Variants in PPHLN1 observed in about 807,000 individuals in gnomAD.
PPHLN1 encodes periphilin 1, also known as periphilin-1.
Under a neutral mutation model 51.3 loss-of-function variants are expected in PPHLN1, and 29 were observed. That is an observed-to-expected ratio of 0.57 (90% CI 0.42 to 0.77). The LOEUF is 0.77. Ranked by LOEUF, PPHLN1 falls within the 30% of genes least tolerant of loss-of-function variation. The pLI is 0.00. For missense variants in PPHLN1, 436 were observed against 438.4 expected (o/e 0.99, Z 0.05); for synonymous variants, 147 against 147.8 (o/e 0.99, Z 0.04).
chr12:42,374,042 T>G (rs994367531), intron 4 of PPHLN1, among the ~76,000 whole-genome samples: 3 of 152,130 alleles, frequency 2.0e-5, no homozygotes, highest in African/African-American at 4.8e-5. Flanking sequence ...CCAGTTATGA[T>G]AATCAAAAAT....
Position 42,374,977 on chromosome 12 carries a change from G to C in PPHLN1, c.414G>C (p.Lys138Asn). ...TFFRESPVGR[K>N]DSPHSRSGSS... ...TCAGAGAATCACCTGTTGGCCGAAAGGATTCTCCACACAGCAGATCTGGTT... is the reference window on the plus strand; with the variant it reads ...TCAGAGAATCACCTGTTGGCCGAAACGATTCTCCACACAGCAGATCTGGTT... The change falls in exon 5 of 10, where the codon AAG becomes AAC. Residue 138 changes from lysine (K) to asparagine (N), a missense_variant. Transcript: ENST00000358314. 4.3e-6 allele frequency: 7 copies of C among 1,613,920 alleles called. No individual in the cohort carries two copies. Among genetic ancestry groups the C allele is most frequent in the Non-Finnish European group, 5.9e-6 (7 of 1,179,932 alleles).
intron 1 of PPHLN1, among the ~76,000 whole-genome samples, chr12:42,334,617 T>G (rs897351430): frequency 2.0e-5 from 3 of 152,198 alleles, no homozygotes; most frequent in Non-Finnish European, 4.4e-5. Flanking sequence ...TCTTTTGACA[T>G]TAAGTCTTTT....
In PPHLN1 at chr12:42,374,857, T is replaced by TC; in HGVS notation, c.300-5dup. The TC allele has an allele frequency of 3.2e-6, 5 of 1,578,096 alleles. No individual in the cohort carries two copies. Among genetic ancestry groups the TC allele is most frequent in the East Asian group, 4.5e-5 (2 of 44,674 alleles). On this transcript the variant is annotated splice_polypyrimidine_tract_variant and splice_region_variant and intron_variant, in intron 4 of 9. Transcript: ENST00000358314. Reference sequence around the variant, plus strand: ...AACTTATTTTATGTTTTTTTTTTTTTCAAAGGGACATGAGAGATGGCTTTA... The same window carrying TC: ...AACTTATTTTATGTTTTTTTTTTTTTCCAAAGGGACATGAGAGATGGCTTTA...
intron 4 of PPHLN1, among the ~76,000 whole-genome samples, chr12:42,362,572 A>G (rs1484742131): frequency 6.6e-6 from 1 of 152,204 alleles, no homozygotes; most frequent in Admixed American, 6.5e-5. Context: ...TGTTTCTCCA[A>G]GGAGCACGGG....
chr12:42,356,534 TC>T (rs1333373181), intron 4 of PPHLN1, among the ~76,000 whole-genome samples: 1 of 152,218 alleles, frequency 6.6e-6, no homozygotes, highest in Non-Finnish European at 1.5e-5. Context: ...CAGAAACTGT[TC>T]AGTGTCAGTG....
chr12:42,364,097 G>T (rs1019846644), intron 4 of PPHLN1, among the ~76,000 whole-genome samples: 3 of 152,070 alleles, frequency 2.0e-5, no homozygotes, highest in Non-Finnish European at 4.4e-5. Context: ...GGTGGCACGT[G>T]CCTGTAGTCC....
chr12:42,346,809 C>A (rs2072406560), intron 2 of PPHLN1, among the ~76,000 whole-genome samples: 1 of 152,156 alleles, frequency 6.6e-6, no homozygotes, highest in Non-Finnish European at 1.5e-5. Context: ...GGGGATATCT[C>A]ATAGTGGTTT....
At chr12:42,428,820 C>CT (rs59053077) in intron 9 of PPHLN1, among the ~76,000 whole-genome samples, 1,992 of 118,004 alleles carry the variant, frequency 0.017, 21 homozygotes, top group African/African-American at 0.028. Flanking sequence ...TTTTTAACTT[C>CT]TTTTTTTTTT....
intron 2 of PPHLN1, among the ~76,000 whole-genome samples, chr12:42,339,886 A>G (rs2071219200): frequency 6.6e-6 from 1 of 152,158 alleles, no homozygotes; most frequent in Admixed American, 6.5e-5. Flanking sequence ...TATTATCTAA[A>G]GTTAGTTGAA....
chr12:42,434,779 G>A (rs2082336442), intron 9 of PPHLN1, among the ~76,000 whole-genome samples: 1 of 152,108 alleles, frequency 6.6e-6, no homozygotes, highest in Admixed American at 6.5e-5. Flanking sequence ...CTGCAACCTT[G>A]GTCTCCCGGG....
downstream of PPHLN1, chr12:42,445,987 C>G: frequency 6.6e-7 from 1 of 1,509,782 alleles, no homozygotes; most frequent in Non-Finnish European, 8.9e-7. Flanking sequence ...TCTTTGGATT[C>G]CAGCACGACG....
intron 5 of PPHLN1, among the ~76,000 whole-genome samples, chr12:42,377,320 T>G (rs1592542310): frequency 1.1e-5 from 1 of 89,952 alleles, no homozygotes; most frequent in Non-Finnish European, 2.8e-5. Flanking sequence ...TTTTTTTTTT[T>G]GTCTGAGACG....
downstream of PPHLN1, chr12:42,446,427 G>A: frequency 7.4e-7 from 1 of 1,343,348 alleles, no homozygotes. Context: ...TAGCTAGGAG[G>A]GACTAACATA....
downstream of PPHLN1, chr12:42,445,996 C>T (rs772131426): frequency 6.6e-5 from 101 of 1,520,022 alleles, no homozygotes; most frequent in Middle Eastern, 3.4e-4. Context: ...TCCAGCACGA[C>T]GCATCAAACC....
intron 4 of PPHLN1, among the ~76,000 whole-genome samples, chr12:42,370,113 T>TA (rs757190026): frequency 5.9e-5 from 9 of 152,248 alleles, no homozygotes; most frequent in Non-Finnish European, 1.2e-4. Context: ...ATACAGCCCT[T>TA]ACATGCTAGT....
At chr12:42,410,214 T>C (rs2079685225) in intron 9 of PPHLN1, among the ~76,000 whole-genome samples, 1 of 152,104 alleles carries the variant, frequency 6.6e-6, no homozygotes, top group South Asian at 2.1e-4. Context: ...CTATTGTGAT[T>C]GTCAAAACTG....
intron 5 of PPHLN1, among the ~76,000 whole-genome samples, chr12:42,380,789 A>G (rs2076692892): frequency 6.6e-6 from 1 of 152,190 alleles, no homozygotes; most frequent in Non-Finnish European, 1.5e-5. Flanking sequence ...TATATTAGGC[A>G]ACAGGAAGAG....
At chr12:42,442,935 C>G (rs560757437), downstream of PPHLN1, 1 of 846,198 alleles carries the variant, frequency 1.2e-6, no homozygotes, top group Non-Finnish European at 1.7e-6. Context: ...TTCCCATAAC[C>G]CATGGTCCCC....
intron 2 of PPHLN1, among the ~76,000 whole-genome samples, chr12:42,341,920 C>T (rs769379347): frequency 2.0e-5 from 3 of 152,142 alleles, no homozygotes; most frequent in Non-Finnish European, 2.9e-5. Context: ...CGCGCCCAGG[C>T]GCTTTTAAAT....
Sources: allele counts gnomAD v4.1 joint callset (sites outside exome capture counted in the v4.1 genomes callset), GRCh38; gene constraint gnomAD v4.1.1; transcripts MANE v1.5; gene names NCBI Gene and HGNC (gene_info 2026-07-23, HGNC 2026-07-21).